Variants in ZHX3 observed in about 807,000 individuals in gnomAD.
ZHX3 encodes the protein zinc fingers and homeoboxes protein 3.
Under a neutral mutation model 64.5 loss-of-function variants are expected in ZHX3, and 20 were observed. The ratio of observed to expected loss-of-function variants is 0.31; its 90% CI spans 0.22 to 0.45. The LOEUF is 0.45. Ranked by LOEUF, ZHX3 falls within the 20% of genes least tolerant of loss-of-function variation. ZHX3 has a pLI of 1.00. For synonymous variants in ZHX3, 423 were observed against 461.6 expected, an observed-to-expected ratio of 0.92 and a Z score of 1.07; for missense variants, 1,041 against 1,195.8, an observed-to-expected ratio of 0.87 and a Z score of 1.91.
At chr20:41,239,357 G>A (rs895644080) in intron 2 of ZHX3, among the ~76,000 whole-genome samples, 4 of 151,982 alleles carry the variant, frequency 2.6e-5, no homozygotes, top group African/African-American at 9.7e-5. Context: ...ACATCCTAGG[G>A]GTAGCTTCCC....
At chr20:41,313,584 C>G (rs1270699744) in intron 1 of ZHX3, among the ~76,000 whole-genome samples, 1 of 143,764 alleles carries the variant, frequency 7.0e-6, no homozygotes, top group Non-Finnish European at 1.5e-5. Flanking sequence ...TTAACACATA[C>G]TTTTAGGCCT....
chr20:41,284,219 C>T (rs1345830869), intron 1 of ZHX3, among the ~76,000 whole-genome samples: 1 of 152,142 alleles, frequency 6.6e-6, no homozygotes, highest in East Asian at 1.9e-4. Context: ...CATTTGGGTA[C>T]TTACAAGGTG....
At chr20:41,256,370 A>ATT (rs11086801) in intron 2 of ZHX3, among the ~76,000 whole-genome samples, 2 of 151,670 alleles carry the variant, frequency 1.3e-5, no homozygotes, top group African/African-American at 2.4e-5. Flanking sequence ...TAAATTGAGA[A>ATT]TTTTTTTATA....
chr20:41,224,009 T>G lies in ZHX3; in HGVS notation c.-150-18943A>C, dbSNP rs1338985674. ...TATATATTGCATTTGCCTCTGGCCA[T>G]AAAGCCATAGTTCAAAAATAACTTA... On this transcript the variant is annotated intron_variant, in intron 2 of 3. Transcript: ENST00000683867. The surrounding 1 kb of genome is among the most constrained non-coding windows in gnomAD (Gnocchi z 5.2). Among the ~76,000 whole-genome samples, 1 of 152,116 alleles carries G rather than the reference T, an allele frequency of 6.6e-6. No individual in the cohort carries two copies. The highest frequency in any genetic ancestry group is 1.5e-5 in the Non-Finnish European group (1 of 68,016).
intron 1 of ZHX3, among the ~76,000 whole-genome samples, chr20:41,274,748 A>C (rs2043303243): frequency 6.6e-6 from 1 of 152,256 alleles, no homozygotes; most frequent in African/African-American, 2.4e-5. Context: ...TGATTGCCTC[A>C]GTAGTGATGT....
At chr20:41,244,589 T>G (rs1222739133) in intron 2 of ZHX3, among the ~76,000 whole-genome samples, 2 of 152,136 alleles carry the variant, frequency 1.3e-5, no homozygotes, top group African/African-American at 4.8e-5. Context: ...GAATGTCCAG[T>G]AGGACCCTGA....
intron 1 of ZHX3, among the ~76,000 whole-genome samples, chr20:41,296,232 TAAAAAAAA>T (rs57987896): frequency 4.6e-3 from 333 of 72,870 alleles, no homozygotes; most frequent in African/African-American, 0.014. Flanking sequence ...GTTCATAAAG[TAAAAAAAA>T]AAAAAAAAAA....
chr20:41,272,017 T>C (rs1354017230), intron 1 of ZHX3: 2 of 152,180 alleles, frequency 1.3e-5, no homozygotes, highest in Non-Finnish European at 1.5e-5. Flanking sequence ...CAAAAAATTA[T>C]TCCATCTCCA....
intron 2 of ZHX3, among the ~76,000 whole-genome samples, chr20:41,256,031 A>G (rs2042233190): frequency 6.6e-6 from 1 of 152,254 alleles, no homozygotes; most frequent in Non-Finnish European, 1.5e-5. Flanking sequence ...TGTAAATTAA[A>G]TATATAAAGT....
rs926562007 is a variant in ZHX3 at position 41,196,266 on chromosome 20, A to G, written c.2860+5791T>C. 6.3e-5 allele frequency among the ~76,000 whole-genome samples: 8 copies of G among 126,268 alleles called. No individual in the cohort carries two copies. In the East Asian group the frequency reaches 1.4e-3, roughly 23 times the overall value. The allele number at this position is 126,268 out of a possible 152,430, so 82.8% of individuals were successfully genotyped here. A position where few individuals can be genotyped will look rare whatever the true frequency, so the allele number is the denominator to read the frequency against. On this transcript the variant is annotated intron_variant, in intron 3 of 3. Transcript: ENST00000683867. ...TATGTTTTGGAGCTCTGTTAGGGGT[A>G]TATATATATATAATATATATAAATA...
In ZHX3 at chr20:41,185,925, T is replaced by G. The variant is rs1438964006; in HGVS notation, c.2861-724A>C. 1 of 152,242 alleles carries G rather than the reference T, an allele frequency of 6.6e-6. No individual in the cohort carries two copies. Among genetic ancestry groups the G allele is most frequent in the Non-Finnish European group, 1.5e-5 (1 of 68,036 alleles). The allele number at this position is 152,242 out of a possible 1,614,324, so 9.4% of individuals were successfully genotyped here. A position where few individuals can be genotyped will look rare whatever the true frequency, so the allele number is the denominator to read the frequency against. ...GTCACTTTGTGTTGGATTTAGTAGC[T>G]GAGGGGAGCCAATGCTTGTCATTCA... On this transcript the variant is annotated intron_variant, in intron 3 of 3. Transcript: ENST00000683867. The surrounding 1 kb of genome is among the most constrained non-coding windows in gnomAD (Gnocchi z 5.0).
intron 1 of ZHX3, among the ~76,000 whole-genome samples, chr20:41,315,342 C>T (rs1371111648): frequency 7.3e-6 from 1 of 137,564 alleles, no homozygotes; most frequent in South Asian, 2.4e-4. Context: ...ACCACCAGGC[C>T]TGGCTTTTTT....
At chr20:41,286,975 A>G (rs1450136208) in intron 1 of ZHX3, among the ~76,000 whole-genome samples, 1 of 152,086 alleles carries the variant, frequency 6.6e-6, no homozygotes, top group African/African-American at 2.4e-5. Context: ...CATGACTGTA[A>G]GTTGAGGCCT....
At chr20:41,196,298 TAAAA>T (rs544674505) in intron 3 of ZHX3, among the ~76,000 whole-genome samples, 1 of 122,468 alleles carries the variant, frequency 8.2e-6, no homozygotes, top group African/African-American at 3.1e-5. Context: ...AATAAATATA[TAAAA>T]ATAAATATAT....
chr20:41,288,318 C>T (rs1443750995), intron 1 of ZHX3, among the ~76,000 whole-genome samples: 2 of 152,182 alleles, frequency 1.3e-5, no homozygotes, highest in African/African-American at 4.8e-5. Flanking sequence ...CCGTTCCCAG[C>T]CTTTGACTTT....
chr20:41,218,138 C>G (rs1270323067), intron 2 of ZHX3, among the ~76,000 whole-genome samples: 2 of 151,910 alleles, frequency 1.3e-5, no homozygotes, highest in African/African-American at 4.8e-5. Flanking sequence ...AGAGCAAGAC[C>G]CTGTCTCCTA....
intron 1 of ZHX3, among the ~76,000 whole-genome samples, chr20:41,286,323 C>G (rs994295631): frequency 1.3e-5 from 2 of 152,168 alleles, no homozygotes. Flanking sequence ...CCATTTCACT[C>G]ACACTCTTGA....
intron 1 of ZHX3, among the ~76,000 whole-genome samples, chr20:41,283,441 G>A (rs762473811): frequency 7.2e-5 from 11 of 152,086 alleles, no homozygotes; most frequent in Non-Finnish European, 1.2e-4. Flanking sequence ...CATCTCCTGG[G>A]GAGACAGTCA....
At chr20:41,305,293 G>A (rs2044941814) in intron 1 of ZHX3, among the ~76,000 whole-genome samples, 1 of 152,208 alleles carries the variant, frequency 6.6e-6, no homozygotes, top group South Asian at 2.1e-4. Flanking sequence ...GCCAATGCGG[G>A]TGGATTGCTT....
Sources: gnomAD v4.1 joint callset for allele counts (sites outside exome capture counted in the v4.1 genomes callset) on GRCh38, gnomAD v4.1.1 for gene constraint, Gnocchi (gnomAD v3.1) non-coding constraint, MANE v1.5 for transcripts, NCBI Gene and HGNC (gene_info 2026-07-23, HGNC 2026-07-21) for gene names.